The following OTUD7A variants were observed in gnomAD, a reference collection of about 807,000 sequenced individuals.
OTUD7A encodes OTU domain-containing protein 7A.
Under a neutral mutation model 65.7 loss-of-function variants are expected in OTUD7A, and 12 were observed. That is an observed-to-expected ratio of 0.18 (90% CI 0.12 to 0.30). The LOEUF is 0.30. Ranked by LOEUF, OTUD7A falls within the 10% of genes least tolerant of loss-of-function variation. OTUD7A has a pLI of 1.00. For synonymous variants in OTUD7A, 641 were observed against 586.3 expected (o/e 1.09, Z -1.35); for missense variants, 1,148 against 1,304.8 (o/e 0.88, Z 1.85).
intron 3 of OTUD7A, among the ~76,000 whole-genome samples, chr15:31,590,521 A>G (rs1889691279): frequency 6.6e-6 from 1 of 151,274 alleles, no homozygotes. Flanking sequence ...AATACCTTAC[A>G]CACACACATA....
intron 3 of OTUD7A, among the ~76,000 whole-genome samples, chr15:31,626,554 T>C (rs756099058): frequency 3.3e-5 from 5 of 152,090 alleles, no homozygotes; most frequent in Non-Finnish European, 7.4e-5. Context: ...ATTTGGACAA[T>C]GTGTTCATGG....
chr15:31,530,661 G>T (rs772916287), intron 6 of OTUD7A, 46 bp downstream of exon 6: 1 of 1,531,084 alleles, frequency 6.5e-7, no homozygotes, highest in African/African-American at 1.4e-5. Context: ...CTTTCCTTAC[G>T]CAGGCCTGGA....
At chr15:31,862,309 T>C (rs543838736) in intron 1 of OTUD7A, among the ~76,000 whole-genome samples, 42 of 152,322 alleles carry the variant, frequency 2.8e-4, no homozygotes, top group Non-Finnish European at 4.4e-4. Flanking sequence ...GCACCTGAGA[T>C]ACAGGAGACA....
At chr15:31,538,147 C>A (rs1887866960) in intron 5 of OTUD7A, among the ~76,000 whole-genome samples, 1 of 152,204 alleles carries the variant, frequency 6.6e-6, no homozygotes, top group Non-Finnish European at 1.5e-5. Flanking sequence ...TCACAAGGGC[C>A]ACAATCAGGG....
intron 1 of OTUD7A, among the ~76,000 whole-genome samples, chr15:31,714,739 C>T (rs561010650): frequency 6.6e-6 from 1 of 152,258 alleles, no homozygotes; most frequent in Admixed American, 6.5e-5. Context: ...TGCTGGTGTG[C>T]TATTGATCAG....
intron 3 of OTUD7A, among the ~76,000 whole-genome samples, chr15:31,570,831 C>T (rs932009248): frequency 6.6e-6 from 1 of 152,080 alleles, no homozygotes; most frequent in Non-Finnish European, 1.5e-5. Context: ...CACTTCGCAG[C>T]ACTAGGCACA....
rs1481384140 is a variant in OTUD7A, at chr15:31,698,947, T to C, written c.-99-41870A>G. On this transcript the variant is annotated intron_variant, in intron 1 of 12. Coordinates refer to ENST00000307050, the MANE Select transcript of OTUD7A (RefSeq NM_001382637.1). ...TGGCACCTATTTAACAGGATGGTAA[T>C]AAGGACTTACTGAGATAACATTCGT... Among the ~76,000 whole-genome samples, 6 of 152,224 alleles carry C rather than the reference T, an allele frequency of 3.9e-5. No homozygotes were observed. In the Middle Eastern group the frequency reaches 0.017, roughly 431 times the overall value.
At chr15:31,526,508 C>T (rs1485883446) in intron 7 of OTUD7A, 47 bp from the exon 8 acceptor site, 1 of 1,434,328 alleles carries the variant, frequency 7.0e-7, no homozygotes, top group Non-Finnish European at 9.3e-7. Context: ...CACAGCTGCG[C>T]TGCCCTCCTC....
intron 1 of OTUD7A, among the ~76,000 whole-genome samples, chr15:31,851,717 C>T (rs546343330): frequency 3.9e-5 from 6 of 152,332 alleles, no homozygotes; most frequent in African/African-American, 7.2e-5. Context: ...GCCCTTCTGG[C>T]TTCTCTAAAG....
intron 1 of OTUD7A, among the ~76,000 whole-genome samples, chr15:31,686,915 T>G (rs1892850367): frequency 6.6e-6 from 1 of 152,186 alleles, no homozygotes; most frequent in Non-Finnish European, 1.5e-5. Flanking sequence ...AGGAAGTATT[T>G]TTAAGATATT....
chr15:31,598,947 G>A (rs1339541745), intron 3 of OTUD7A, among the ~76,000 whole-genome samples: 3 of 152,108 alleles, frequency 2.0e-5, no homozygotes, highest in East Asian at 1.9e-4. Context: ...TGGCCAGACT[G>A]CCTCTGGACT....
intron 3 of OTUD7A, among the ~76,000 whole-genome samples, chr15:31,619,922 T>A (rs531054463): frequency 6.6e-6 from 1 of 152,220 alleles, no homozygotes; most frequent in East Asian, 1.9e-4. Context: ...ATAGCTCTTA[T>A]TATTTCGAGA....
intron 3 of OTUD7A, among the ~76,000 whole-genome samples, chr15:31,632,852 A>G (rs1166409763): frequency 6.6e-6 from 1 of 152,122 alleles, no homozygotes; most frequent in Admixed American, 6.5e-5. Context: ...CCTCACTGCC[A>G]CCTTGCAGTT....
At chr15:31,863,473 C>T (rs561937645) in intron 1 of OTUD7A, among the ~76,000 whole-genome samples, 1 of 152,340 alleles carries the variant, frequency 6.6e-6, no homozygotes, top group East Asian at 1.9e-4. Flanking sequence ...GTTCCCAAAC[C>T]TTAATTCTTG....
At chr15:31,680,490 G>A (rs2255977) in intron 1 of OTUD7A, among the ~76,000 whole-genome samples, 28 of 152,264 alleles carry the variant, frequency 1.8e-4, no homozygotes, top group Non-Finnish European at 2.5e-4. Context: ...GTGTTATAGC[G>A]TGATTAAACA....
In OTUD7A at chr15:31,753,704, A is replaced by ATATATATATATAT. The variant is rs1399692661; in HGVS notation, c.-99-96640_-99-96628dup. Among the ~76,000 whole-genome samples the ATATATATATATAT allele has an allele frequency of 5.3e-3, 80 of 15,226 alleles. 4 individuals are homozygous for ATATATATATATAT. Among genetic ancestry groups the ATATATATATATAT allele is most frequent in the South Asian group, 9.2e-3 (6 of 654 alleles). The allele number at this position is 15,226 out of a possible 152,430, so 10.0% of individuals were successfully genotyped here. Reference sequence around the variant, plus strand: ...CCTGTGAGATATATATATATATATTATATATATATATATATATTATATATA... The same window carrying ATATATATATATAT: ...CCTGTGAGATATATATATATATATTATATATATATATATTATATATATATATATATTATATATA... On this transcript the variant is annotated intron_variant, in intron 1 of 12. Transcript: ENST00000307050.
At chr15:31,569,088 C>T (rs752615145) in intron 4 of OTUD7A, among the ~76,000 whole-genome samples, 3 of 152,140 alleles carry the variant, frequency 2.0e-5, no homozygotes, top group Non-Finnish European at 4.4e-5. Context: ...GGGAAACACC[C>T]GGTTTCACAC....
chr15:31,769,021 T>C (rs1261372423), intron 1 of OTUD7A, among the ~76,000 whole-genome samples: 1 of 152,090 alleles, frequency 6.6e-6, no homozygotes, highest in African/African-American at 2.4e-5. Context: ...AACAAATCAA[T>C]AATTAAATGC....
intron 1 of OTUD7A, among the ~76,000 whole-genome samples, chr15:31,728,777 T>C (rs1595731280): frequency 6.6e-6 from 1 of 152,388 alleles, no homozygotes; most frequent in East Asian, 1.9e-4. Context: ...TTCACATTCA[T>C]TGCAACTATG....
Sources: allele counts gnomAD v4.1 joint callset (sites outside exome capture counted in the v4.1 genomes callset), GRCh38; gene constraint gnomAD v4.1.1; transcripts MANE v1.5; gene names NCBI Gene and HGNC (gene_info 2026-07-23, HGNC 2026-07-21).